CDH18: variants seen among roughly 807,000 people sequenced by gnomAD.
CDH18 encodes the protein cadherin 18.
Under a neutral mutation model 67.9 loss-of-function variants are expected in CDH18, and 31 were observed. The ratio of observed to expected loss-of-function variants is 0.46; its 90% confidence interval spans 0.34 to 0.62. The LOEUF (loss-of-function observed/expected upper bound fraction) is 0.62. CDH18 is among the 20% of genes least tolerant of loss of function. CDH18 has a pLI of 0.01. For missense variants in CDH18, 890 were observed against 975.5 expected (o/e 0.91, Z 1.17); for synonymous variants, 362 against 347.2 (o/e 1.04, Z -0.48).
At chr5:20,258,816 A>T (rs1744434564) in intron 1 of CDH18, among the ~76,000 whole-genome samples, 1 of 152,138 alleles carries the variant, frequency 6.6e-6, no homozygotes. Context: ...TTGGTTTTGC[A>T]TCCAAAGAAC....
intron 1 of CDH18, among the ~76,000 whole-genome samples, chr5:20,575,068 A>T (rs185000144): frequency 6.6e-6 from 1 of 152,208 alleles, no homozygotes; most frequent in African/African-American, 2.4e-5. Context: ...TTAACACAGC[A>T]ATGGTCCTTT....
intron 2 of CDH18, among the ~76,000 whole-genome samples, chr5:19,880,072 A>G (rs968226336): frequency 6.6e-6 from 1 of 151,976 alleles, no homozygotes; most frequent in African/African-American, 2.4e-5. Context: ...ATGTTCCCAG[A>G]GTGTAGTATG....
At chr5:19,631,450 A>G (rs1471810886) in intron 5 of CDH18, among the ~76,000 whole-genome samples, 1 of 152,122 alleles carries the variant, frequency 6.6e-6, no homozygotes, top group Non-Finnish European at 1.5e-5. Flanking sequence ...TTTAAGAAAT[A>G]TATTTTTATT....
At chr5:20,439,811 G>C (rs1334008812) in intron 1 of CDH18, among the ~76,000 whole-genome samples, 2 of 151,670 alleles carry the variant, frequency 1.3e-5, no homozygotes, top group African/African-American at 4.9e-5. Context: ...ACTTGTCATA[G>C]TATGTTCAGC....
At chr5:19,604,380 G>T (rs1345661510) in intron 6 of CDH18, among the ~76,000 whole-genome samples, 1 of 152,012 alleles carries the variant, frequency 6.6e-6, no homozygotes, top group Non-Finnish European at 1.5e-5. Context: ...AGGGAAAACT[G>T]ACTGACATGT....
intron 2 of CDH18, among the ~76,000 whole-genome samples, chr5:20,239,610 T>C (rs1295728744): frequency 2.6e-5 from 4 of 152,326 alleles, no homozygotes; most frequent in East Asian, 3.9e-4. Context: ...AAATATATAC[T>C]ACTTTGTGCT....
At position 20,521,884 on chromosome 5, in the gene CDH18, C is replaced by T. The variant is rs1755763475; in HGVS notation, c.-580+53578G>A. 2.0e-5 allele frequency among the ~76,000 whole-genome samples: 3 copies of T among 151,920 alleles called. No individual in the cohort carries two copies. The South Asian group carries it at 6.3e-4, about 32-fold the overall frequency. The stretch of plus-strand genomic sequence containing the variant: ...TTGACAGTGAAACTAATGAATAAAA[C>T]CTGAAAAAAAACCCTCTTCGAATAT... On this transcript the variant is annotated intron_variant, in intron 1 of 14. Transcript: ENST00000507958.
At chr5:20,150,793 A>G (rs1302279168) in intron 2 of CDH18, among the ~76,000 whole-genome samples, 1 of 152,072 alleles carries the variant, frequency 6.6e-6, no homozygotes, top group Non-Finnish European at 1.5e-5. Context: ...ATCAAAATGC[A>G]TGTTTAAAGC....
intron 1 of CDH18, among the ~76,000 whole-genome samples, chr5:20,569,277 A>C (rs952744264): frequency 6.6e-6 from 1 of 152,192 alleles, no homozygotes; most frequent in African/African-American, 2.4e-5. Flanking sequence ...ACATTTTCAA[A>C]ATCATTTATA....
At chr5:19,704,687 G>T (rs780026405) in intron 5 of CDH18, among the ~76,000 whole-genome samples, 1 of 152,124 alleles carries the variant, frequency 6.6e-6, no homozygotes, top group Non-Finnish European at 1.5e-5. Context: ...TAGAACATTG[G>T]TCACTAAGTA....
chr5:20,463,340 T>G (rs1207774617), intron 1 of CDH18, among the ~76,000 whole-genome samples: 1 of 151,948 alleles, frequency 6.6e-6, no homozygotes, highest in African/African-American at 2.4e-5. Flanking sequence ...TGCAGACGTA[T>G]CTTGTCAGTA....
In CDH18 at chr5:20,242,602, A is replaced by T. The variant is rs868798095; in HGVS notation, c.-518+12842T>A. On this transcript the variant is annotated intron_variant, in intron 2 of 14. Transcript: ENST00000507958. The stretch of plus-strand genomic sequence containing the variant: ...GTTTTGGGTTTCATTGAGGGAAAAA[A>T]AAAAAAAAAATATATATATATATAT... 5.9e-3 allele frequency among the ~76,000 whole-genome samples: 411 copies of T among 69,846 alleles called. 56 individuals carry two copies. Among genetic ancestry groups the T allele is most frequent in the African/African-American group, 0.038 (372 of 9,908 alleles). 45.8% of individuals were successfully genotyped at this position (69,846 alleles called of 152,430 possible). A position where few individuals can be genotyped will look rare whatever the true frequency, so the allele number is the denominator to read the frequency against.
intron 2 of CDH18, among the ~76,000 whole-genome samples, chr5:19,894,570 G>A: frequency 6.6e-6 from 1 of 151,988 alleles, no homozygotes; most frequent in East Asian, 1.9e-4. Context: ...TCCTGTAACA[G>A]CAACTTATTC....
At chr5:19,880,806 G>C (rs1787560977) in intron 2 of CDH18, among the ~76,000 whole-genome samples, 1 of 152,110 alleles carries the variant, frequency 6.6e-6, no homozygotes, top group African/African-American at 2.4e-5. Flanking sequence ...TATGCTCATA[G>C]AGAAACACTA....
At chr5:20,183,326 C>T (rs879926526) in intron 2 of CDH18, among the ~76,000 whole-genome samples, 7 of 151,842 alleles carry the variant, frequency 4.6e-5, no homozygotes, top group Non-Finnish European at 1.0e-4. Flanking sequence ...ATAATTATTC[C>T]GTGTAATGTG....
intron 2 of CDH18, among the ~76,000 whole-genome samples, chr5:20,216,844 T>G (rs1672598093): frequency 6.6e-6 from 1 of 151,710 alleles, no homozygotes; most frequent in Non-Finnish European, 1.5e-5. Flanking sequence ...CTCAATATGG[T>G]CAAAGACAAA....
At chr5:20,179,169 A>G (rs1055399928) in intron 2 of CDH18, among the ~76,000 whole-genome samples, 4 of 152,186 alleles carry the variant, frequency 2.6e-5, no homozygotes, top group African/African-American at 9.6e-5. Flanking sequence ...TAAGAAAAAC[A>G]TTGGCAACAG....
intron 2 of CDH18, among the ~76,000 whole-genome samples, chr5:20,169,814 G>C (rs961645020): frequency 3.3e-5 from 5 of 151,964 alleles, no homozygotes; most frequent in Non-Finnish European, 7.4e-5. Context: ...AATTAGCATA[G>C]GCCAGTACTT....
chr5:19,503,237 A>C (rs887319360), intron 10 of CDH18, 128 bp from the exon 11 acceptor site: 2 of 593,448 alleles, frequency 3.4e-6, no homozygotes, highest in Non-Finnish European at 6.0e-6. Context: ...GTTATTTTTC[A>C]AATTCAGGTC....
Sources: gnomAD v4.1 joint callset for allele counts (sites outside exome capture counted in the v4.1 genomes callset) on GRCh38, gnomAD v4.1.1 for gene constraint, MANE v1.5 for transcripts, NCBI Gene and HGNC (gene_info 2026-07-23, HGNC 2026-07-21) for gene names.